Variants in LIMCH1 observed in about 807,000 individuals in gnomAD.
LIMCH1 encodes LIM and calponin homology domains-containing protein 1.
LIMCH1 carries 113 observed loss-of-function variants against 176.5 expected under a neutral mutation model. That is an observed-to-expected ratio of 0.64 (90% CI 0.55 to 0.75). The LOEUF (loss-of-function observed/expected upper bound fraction) is 0.75. Among genes scored for constraint, LIMCH1 ranks in the 30% least tolerant of loss-of-function variants. LIMCH1 has a pLI of 0.00. For missense variants in LIMCH1, 1,674 were observed against 1,814.9 expected (o/e 0.92, Z 1.41); for synonymous variants, 619 against 645.9 (o/e 0.96, Z 0.63).
intron 1 of LIMCH1, among the ~76,000 whole-genome samples, chr4:41,362,520 G>A (rs889232966): frequency 2.0e-5 from 3 of 152,204 alleles, no homozygotes; most frequent in African/African-American, 7.2e-5. Flanking sequence ...TCGAGTGTGG[G>A]TGGGGGTAAG....
chr4:41,510,652 G>A (rs749571424), intron 2 of LIMCH1, among the ~76,000 whole-genome samples: 2 of 151,968 alleles, frequency 1.3e-5, no homozygotes, highest in South Asian at 2.1e-4. Context: ...GCACTGGCAC[G>A]ATCTCGGCTT....
rs1042744728 is a variant in LIMCH1 at position 41,698,586 on chromosome 4, T to G, written c.*1401T>G. 2 of 152,632 alleles carry G rather than the reference T, an allele frequency of 1.3e-5. No individual in the cohort carries two copies. The highest frequency in any genetic ancestry group is 4.8e-5 in the African/African-American group (2 of 41,454). The allele number at this position is 152,632 out of a possible 1,614,324, so 9.5% of individuals were successfully genotyped here. A position where few individuals can be genotyped will look rare whatever the true frequency, so the allele number is the denominator to read the frequency against. On this transcript the variant is annotated 3_prime_UTR_variant, in exon 32 of 32. Coordinates refer to ENST00000503057, the MANE Select transcript of LIMCH1 (RefSeq NM_001330672.2). The stretch of plus-strand genomic sequence containing the variant: ...ATAAGTCAAGATGACATTTTGTGAA[T>G]GTAGACTATGGATACACTCCTAATA...
In LIMCH1 at chr4:41,619,220, C is replaced by T. The variant is rs1442605269; in HGVS notation, c.238C>T (p.His80Tyr). 1 of 1,614,188 alleles carries T rather than the reference C, an allele frequency of 6.2e-7. No individual in the cohort carries two copies. Among genetic ancestry groups the T allele is most frequent in the South Asian group, 1.1e-5 (1 of 91,082 alleles). Reference protein sequence around the residue: ...RGSDSESDLPHRKLPDVKKDD... With the variant: ...RGSDSESDLPYRKLPDVKKDD... ...AAGCGACTCTGAATCCGACTTGCCT[C>T]ATCGGAAGCTGCCAGATGTGAAGAA... is the stretch of plus-strand genomic sequence containing the variant. The change falls in exon 6 of 32, where the codon CAT becomes TAT. Residue 80 changes from histidine to tyrosine, a missense_variant. Physicochemically the swap from His to Tyr is moderately conservative, Grantham distance 83 (BLOSUM62 2). This residue lies in a region of LIMCH1 where 655 missense variants were observed against 692.2 expected (regional missense o/e 0.95). Coordinates refer to ENST00000503057, the MANE Select transcript of LIMCH1 (RefSeq NM_001330672.2).
intron 1 of LIMCH1, 135 bp downstream of exon 1, chr4:41,538,485 A>G: frequency 3.1e-6 from 1 of 320,292 alleles, no homozygotes; most frequent in Non-Finnish European, 4.5e-6. Flanking sequence ...CGAAAATAAT[A>G]TGAAAATTAC....
Position 41,655,414 on chromosome 4 carries a change from G to A in LIMCH1, c.3036+4806G>A, listed in dbSNP as rs542422879. ...TAATATTGTCATGCAACAAGTGGGAGTAAGGAAGTTATAATATTTAATACA... is the reference window on the plus strand; with the variant it reads ...TAATATTGTCATGCAACAAGTGGGAATAAGGAAGTTATAATATTTAATACA... On this transcript the variant is annotated intron_variant, in intron 18 of 31. Transcript: ENST00000503057. 2.0e-5 allele frequency among the ~76,000 whole-genome samples: 3 copies of A among 152,294 alleles called. No individual in the cohort carries two copies. The South Asian group carries it at 6.2e-4, about 32-fold the overall frequency.
Position 41,631,240 on chromosome 4 carries a change from C to G in LIMCH1, c.1364C>G (p.Ala455Gly). The change falls in exon 10 of 32, where the codon GCA becomes GGA. Residue 455 changes from alanine to glycine, a missense_variant. Ala to Gly is a moderately conservative substitution (Grantham distance 60). Around this residue, in one of 3 missense-constraint regions of LIMCH1, gnomAD observed 655 missense variants for 692.2 expected, o/e 0.95. Transcript: ENST00000503057. ...CGTGATGACTTTGCCAACCGCAAAG[C>G]AAGGGCCTCTAAGAAAGCTTCCAGC... ...AIRDDFANRK[A>G]RASKKASSPR... is the part of the protein sequence containing the mutation. 2 of 1,536,108 alleles carry G rather than the reference C, an allele frequency of 1.3e-6. No individual in the cohort carries two copies. Among genetic ancestry groups the G allele is most frequent in the South Asian group, 2.4e-5 (2 of 84,056 alleles).
chr4:41,527,817 C>T (rs1471603368), intron 3 of LIMCH1, among the ~76,000 whole-genome samples: 9 of 119,870 alleles, frequency 7.5e-5, no homozygotes, highest in Non-Finnish European at 1.2e-4. Context: ...AGCGAGACTC[C>T]GTCTCAAAAA....
intron 1 of LIMCH1, among the ~76,000 whole-genome samples, chr4:41,435,985 C>A (rs1284155132): frequency 2.6e-5 from 4 of 152,216 alleles, no homozygotes; most frequent in Non-Finnish European, 2.9e-5. Context: ...CACTCAGCTT[C>A]TCAAGAAATA....
intron 18 of LIMCH1, among the ~76,000 whole-genome samples, chr4:41,651,764 G>C (rs1161118722): frequency 6.6e-6 from 1 of 152,208 alleles, no homozygotes; most frequent in Non-Finnish European, 1.5e-5. Context: ...TAAAGCATCA[G>C]AGTACTATTG....
rs1731498174 is a variant in LIMCH1, at chr4:41,697,515, A to G, written c.*330A>G. The G allele has an allele frequency of 3.4e-6, 1 of 293,944 alleles. No homozygotes were observed. The highest frequency in any genetic ancestry group is 4.7e-5 in the Admixed American group (1 of 21,304). The allele number at this position is 293,944 out of a possible 1,614,324, so 18.2% of individuals were successfully genotyped here. ...ATTCTCTTCTTTGGGAATTAGCTAA[A>G]TGATGCAATAAACCTGTTTTGTTTT... is the stretch of plus-strand genomic sequence containing the variant. On this transcript the variant is annotated 3_prime_UTR_variant, in exon 32 of 32. Transcript: ENST00000503057.
intron 1 of LIMCH1, among the ~76,000 whole-genome samples, chr4:41,552,827 G>C (rs116152184): frequency 1.3e-5 from 2 of 152,142 alleles, no homozygotes; most frequent in African/African-American, 4.8e-5. Context: ...ATAATCAGAA[G>C]TAAGACAGAC....
At chr4:41,422,600 C>G (rs536750094) in intron 1 of LIMCH1, among the ~76,000 whole-genome samples, 1 of 152,104 alleles carries the variant, frequency 6.6e-6, no homozygotes, top group East Asian at 1.9e-4. Context: ...TACTTGATAC[C>G]TTTTTCCTTC....
intron 2 of LIMCH1, among the ~76,000 whole-genome samples, chr4:41,515,299 C>T (rs549817262): frequency 1.9e-4 from 29 of 152,352 alleles, no homozygotes; most frequent in Non-Finnish European, 4.1e-4. Flanking sequence ...CCTCCGCGTC[C>T]CCAGCTTTTC....
intron 1 of LIMCH1, among the ~76,000 whole-genome samples, chr4:41,375,831 G>A (rs943138363): frequency 6.6e-6 from 1 of 152,178 alleles, no homozygotes; most frequent in African/African-American, 2.4e-5. Flanking sequence ...AAAACTGGTT[G>A]GGCAGCTTAG....
chr4:41,646,987 C>A, intron 17 of LIMCH1, 94 bp downstream of exon 17: 1 of 1,219,050 alleles, frequency 8.2e-7, no homozygotes, highest in Admixed American at 2.3e-5. Flanking sequence ...ATTCTTTTTA[C>A]CATACAAAAG....
intron 1 of LIMCH1, among the ~76,000 whole-genome samples, chr4:41,402,725 G>A (rs1024921575): frequency 6.8e-5 from 10 of 146,144 alleles, no homozygotes; most frequent in Admixed American, 1.4e-4. Context: ...CTATCGCAAG[G>A]ACAAAAAACC....
At chr4:41,606,296 T>C (rs1298402949) in intron 4 of LIMCH1, among the ~76,000 whole-genome samples, 1 of 152,180 alleles carries the variant, frequency 6.6e-6, no homozygotes, top group African/African-American at 2.4e-5. Flanking sequence ...GCCAAGATGC[T>C]CAGTGCTTGT....
At chr4:41,631,543 C>T in intron 10 of LIMCH1, 66 bp downstream of exon 10, 1 of 1,309,814 alleles carries the variant, frequency 7.6e-7, no homozygotes, top group Non-Finnish European at 1.0e-6. Flanking sequence ...GTAGAGTTTG[C>T]TGAAGCACAT....
At chr4:41,681,097 A>T in intron 25 of LIMCH1, 38 bp downstream of exon 25, 1 of 1,313,418 alleles carries the variant, frequency 7.6e-7, no homozygotes, top group Non-Finnish European at 1.1e-6. Flanking sequence ...TGAAATAAAT[A>T]AACCTAAATG....
Sources: allele counts gnomAD v4.1 joint callset (sites outside exome capture counted in the v4.1 genomes callset), GRCh38; gene constraint gnomAD v4.1.1; regional missense constraint gnomAD v4.1.1; transcripts MANE v1.5; gene names NCBI Gene and HGNC (gene_info 2026-07-23, HGNC 2026-07-21).